The following ALMS1 variants were observed in gnomAD, a reference collection of about 807,000 sequenced individuals.
ALMS1 encodes the protein centrosome-associated protein ALMS1.
Under a neutral mutation model 352.2 loss-of-function variants are expected in ALMS1, and 271 were observed. The ratio of observed to expected loss-of-function variants is 0.77; its 90% CI spans 0.70 to 0.85. The LOEUF (loss-of-function observed/expected upper bound fraction) is 0.85, where lower values mean the gene tolerates loss of function less well. Ranked by LOEUF, ALMS1 falls within the 40% of genes least tolerant of loss-of-function variation. ALMS1 has a pLI of 0.00. For missense variants in ALMS1, 5,445 were observed against 4,870.7 expected (o/e 1.12, Z -3.51); for synonymous variants, 1,865 against 1,761.2 (o/e 1.06, Z -1.48).
chr2:73,385,940 G>A lies in ALMS1; in HGVS notation c.72G>A (p.Glu24=), dbSNP rs1483677896. 8.5e-6 allele frequency: 10 copies of A among 1,180,882 alleles called. No homozygotes were observed. The highest frequency in any genetic ancestry group is 1.2e-5 in the Non-Finnish European group (10 of 820,140). The allele number at this position is 1,180,882 out of a possible 1,614,324, so 73.2% of individuals were successfully genotyped here. The change falls in exon 1 of 23, where the codon GAG becomes GAA. Residue 24 remains glutamate, a synonymous_variant. Coordinates refer to ENST00000613296, the MANE Select transcript of ALMS1 (RefSeq NM_001378454.1). ...EEEEEEEEEE[E]EEEEAAAAAA... is the part of the protein sequence containing the mutation. ...AGGAGGAGGAGGAGGAGGAGGAGGA[G>A]GAAGAGGAGGAGGCTGCAGCGGCGG... is the stretch of plus-strand genomic sequence containing the variant.
At position 73,448,258 on chromosome 2, in the gene ALMS1, T is replaced by A; in HGVS notation, c.1731T>A (p.His577Gln). Residue 577 changes from histidine to glutamine, a missense_variant, in exon 8 of 23, where the codon CAT becomes CAA. Coordinates refer to ENST00000613296, the MANE Select transcript of ALMS1 (RefSeq NM_001378454.1). ...CAGTACTCTCTAGTTCCCACTCACATAGGGGGAAGCCCAGCATTTTCTACC... is the reference window on the plus strand; with the variant it reads ...CAGTACTCTCTAGTTCCCACTCACAAAGGGGGAAGCCCAGCATTTTCTACC... ...TPTVLSSSHS[H>Q]RGKPSIFYQQ... 1 of 1,613,762 alleles carries A rather than the reference T, an allele frequency of 6.2e-7. No individual in the cohort carries two copies. The highest frequency in any genetic ancestry group is 8.5e-7 in the Non-Finnish European group (1 of 1,179,862).
chr2:73,481,073 T>C (rs1672692854), intron 9 of ALMS1, among the ~76,000 whole-genome samples: 2 of 151,952 alleles, frequency 1.3e-5, no homozygotes, highest in African/African-American at 2.4e-5. Flanking sequence ...AGAAGCTCTT[T>C]AGTTTAATTA....
chr2:73,429,207 G>A (rs1349951259), intron 6 of ALMS1, among the ~76,000 whole-genome samples: 2 of 151,154 alleles, frequency 1.3e-5, no homozygotes, highest in Non-Finnish European at 2.9e-5. Flanking sequence ...AGTCTCTGGT[G>A]GTTTCCTACT....
intron 6 of ALMS1, among the ~76,000 whole-genome samples, chr2:73,429,850 T>G (rs151269833): frequency 4.7e-4 from 72 of 152,326 alleles, no homozygotes; most frequent in African/African-American, 1.7e-3. Context: ...AAAATTAGAC[T>G]GACTTGTAGA....
chr2:73,503,855 A>G (rs935568886), intron 10 of ALMS1, among the ~76,000 whole-genome samples: 8 of 152,164 alleles, frequency 5.3e-5, no homozygotes, highest in African/African-American at 1.9e-4. Context: ...CACAGTAGGC[A>G]TGAAAGCTCT....
chr2:73,419,369 T>C, intron 3 of ALMS1, 51 bp downstream of exon 3: 2 of 1,559,036 alleles, frequency 1.3e-6, no homozygotes, highest in Non-Finnish European at 1.8e-6. Context: ...TTGTAAGTTT[T>C]GCGGGGACTG....
intron 12 of ALMS1, among the ~76,000 whole-genome samples, chr2:73,543,664 A>G (rs562342200): frequency 6.6e-6 from 1 of 152,080 alleles, no homozygotes; most frequent in Non-Finnish European, 1.5e-5. Flanking sequence ...TCCAACAAAT[A>G]TACAAGAAAG....
chr2:73,437,933 A>C (rs1671638007), intron 7 of ALMS1, among the ~76,000 whole-genome samples: 1 of 152,108 alleles, frequency 6.6e-6, no homozygotes, highest in Non-Finnish European at 1.5e-5. Context: ...CAAGCCAATC[A>C]CACCCTCCTA....
At chr2:73,605,654 G>A (rs894051168) in intron 21 of ALMS1, among the ~76,000 whole-genome samples, 3 of 152,068 alleles carry the variant, frequency 2.0e-5, no homozygotes, top group African/African-American at 7.2e-5. Flanking sequence ...TTCAAGCCTG[G>A]CCAACATGGT....
At chr2:73,455,626 GC>G (rs2103798743) in intron 9 of ALMS1, among the ~76,000 whole-genome samples, 1 of 152,274 alleles carries the variant, frequency 6.6e-6, no homozygotes, top group South Asian at 2.1e-4. Context: ...GGTCTTGAAC[GC>G]TTGGATTCAA....
At chr2:73,532,380 C>T (rs1378802267) in intron 11 of ALMS1, among the ~76,000 whole-genome samples, 1 of 152,210 alleles carries the variant, frequency 6.6e-6, no homozygotes, top group African/African-American at 2.4e-5. Context: ...GTCTGGGAGC[C>T]ATGACCTGAA....
At chr2:73,389,359 G>A (rs967489388) in intron 1 of ALMS1, among the ~76,000 whole-genome samples, 1 of 152,084 alleles carries the variant, frequency 6.6e-6, no homozygotes, top group African/African-American at 2.4e-5. Flanking sequence ...CAGATGCATA[G>A]TTTGCAGATA....
intron 10 of ALMS1, among the ~76,000 whole-genome samples, chr2:73,518,191 C>G (rs1464501167): frequency 6.6e-6 from 1 of 151,570 alleles, no homozygotes; most frequent in Non-Finnish European, 1.5e-5. Context: ...TCATTTAGCT[C>G]CCACTTATAA....
At chr2:73,498,363 G>A (rs1234087528) in intron 10 of ALMS1, among the ~76,000 whole-genome samples, 1 of 151,984 alleles carries the variant, frequency 6.6e-6, no homozygotes, top group African/African-American at 2.4e-5. Flanking sequence ...TAAGGACATT[G>A]TGAAGAATGG....
Position 73,468,100 on chromosome 2 carries a change from A to G in ALMS1, c.7674+12805A>G, listed in dbSNP as rs6739077. On this transcript the variant is annotated intron_variant, in intron 9 of 22. Coordinates refer to ENST00000613296, the MANE Select transcript of ALMS1 (RefSeq NM_001378454.1). Reference sequence around the variant, plus strand: ...GATTTATTATATATTAATTAAAAGGAAACATTGAACAAGAGATACAATTGA... The same window carrying G: ...GATTTATTATATATTAATTAAAAGGGAACATTGAACAAGAGATACAATTGA... Among the ~76,000 whole-genome samples, 567 of 152,134 alleles carry G rather than the reference A, an allele frequency of 3.7e-3. 2 individuals are homozygous for G. Among genetic ancestry groups the G allele is most frequent in the Non-Finnish European group, 5.7e-3 (389 of 67,934 alleles).
At chr2:73,433,898 T>A (rs1328019523) in intron 7 of ALMS1, among the ~76,000 whole-genome samples, 5 of 152,196 alleles carry the variant, frequency 3.3e-5, no homozygotes, top group Admixed American at 3.3e-4. Flanking sequence ...CATATATCTG[T>A]TCATAATATT....
intron 12 of ALMS1, 44 bp from the exon 13 acceptor site, chr2:73,550,223 A>C: frequency 6.2e-7 from 1 of 1,608,780 alleles, no homozygotes; most frequent in Non-Finnish European, 8.5e-7. Context: ...TCTCAATCTC[A>C]TGTCGCTATT....
intron 2 of ALMS1, among the ~76,000 whole-genome samples, chr2:73,412,949 G>A (rs1671107883): frequency 6.6e-6 from 1 of 151,622 alleles, no homozygotes; most frequent in Non-Finnish European, 1.5e-5. Context: ...TGATTGCCCT[G>A]CATTCTTGGC....
intron 3 of ALMS1, among the ~76,000 whole-genome samples, chr2:73,421,060 T>A (rs941729687): frequency 5.3e-5 from 8 of 152,182 alleles, no homozygotes; most frequent in Non-Finnish European, 7.4e-5. Context: ...CACTTGAGAA[T>A]CATTAACTCT....
Sources: gnomAD v4.1 joint callset for allele counts (sites outside exome capture counted in the v4.1 genomes callset) on GRCh38, gnomAD v4.1.1 for gene constraint, MANE v1.5 for transcripts, NCBI Gene and HGNC (gene_info 2026-07-23, HGNC 2026-07-21) for gene names.